The following SCAMP4 variants were observed in gnomAD, a reference collection of about 807,000 sequenced individuals.
The protein encoded by SCAMP4 is secretory carrier membrane protein 4, also known as secretory carrier-associated membrane protein 4.
SCAMP4 carries 19 observed loss-of-function variants against 32.1 expected under a neutral mutation model. The observed-to-expected ratio is 0.59, with a 90% CI of 0.41 to 0.87. SCAMP4 has a LOEUF of 0.87. SCAMP4 is among the 40% of genes least tolerant of loss of function. SCAMP4 has a pLI of 0.00. For synonymous variants in SCAMP4, 152 were observed against 132.7 expected (o/e 1.15, Z -1.00); for missense variants, 302 against 309.0 (o/e 0.98, Z 0.17).
At chr19:1,917,898 G>T (rs961911201) in intron 3 of SCAMP4, 76 bp downstream of exon 3, 19 of 1,584,118 alleles carry the variant, frequency 1.2e-5, no homozygotes, top group Middle Eastern at 2.1e-4. Flanking sequence ...TTCAGGCAGG[G>T]GCAGCCCGTC....
At position 1,905,421 on chromosome 19, in the gene SCAMP4, TCGCG is replaced by T. The variant is rs1279772637; in HGVS notation, c.-58_-55del. 8.6e-6 allele frequency: 4 copies of T among 462,828 alleles called. No individual in the cohort carries two copies. The allele number at this position is 462,828 out of a possible 1,614,324, so 28.7% of individuals were successfully genotyped here. On this transcript the variant is annotated 5_prime_UTR_variant, in exon 1 of 7. Coordinates refer to ENST00000316097, the MANE Select transcript of SCAMP4 (RefSeq NM_079834.4). ...GCTAAGACTTGGCGAAGCGCTGCGCTCGCGCCCGGATCCCTCAGGTAAGCGCGCG... is the reference window on the plus strand; with the variant it reads ...GCTAAGACTTGGCGAAGCGCTGCGCTCCCGGATCCCTCAGGTAAGCGCGCG...
Position 1,924,278 on chromosome 19 carries a change from G to A in SCAMP4, c.684G>A (p.Trp228Ter), listed in dbSNP as rs1259328485. 6.3e-7 allele frequency: 1 copy of A among 1,590,522 alleles called. No individual in the cohort carries two copies. Among genetic ancestry groups the A allele is most frequent in the Non-Finnish European group, 8.5e-7 (1 of 1,169,830 alleles). Residue 228 changes from tryptophan to a stop codon, truncating the protein, a stop_gained, in exon 7 of 7, where the codon TGG becomes TGA. Transcript: ENST00000316097. LOFTEE classifies it high-confidence loss of function. ...CCAGCTACCCGGGCAGTGGCCAGTG[G>A]CCTTAGAGGGAGCCTGCCCTGCCCC... ...TVPSYPGSGQWP is the reference protein window; with the variant it reads ...TVPSYPGSGQ
chr19:1,924,288 G>C lies in SCAMP4; in HGVS notation c.*4G>C. 6.3e-7 allele frequency: 1 copy of C among 1,584,970 alleles called. No homozygotes were observed. The highest frequency in any genetic ancestry group is 8.6e-7 in the Non-Finnish European group (1 of 1,167,358). On this transcript the variant is annotated 3_prime_UTR_variant, in exon 7 of 7. Transcript: ENST00000316097. Reference sequence around the variant, plus strand: ...GGGCAGTGGCCAGTGGCCTTAGAGGGAGCCTGCCCTGCCCCCACCGCCCAC... The same window carrying C: ...GGGCAGTGGCCAGTGGCCTTAGAGGCAGCCTGCCCTGCCCCCACCGCCCAC...
intron 1 of SCAMP4, among the ~76,000 whole-genome samples, chr19:1,911,218 C>G (rs1287921573): frequency 6.6e-6 from 1 of 151,552 alleles, no homozygotes; most frequent in South Asian, 2.1e-4. Flanking sequence ...GTCAGCCAGG[C>G]TGGGGTACAG....
intron 4 of SCAMP4, chr19:1,918,544 C>T: frequency 1.9e-6 from 1 of 522,534 alleles, no homozygotes; most frequent in Non-Finnish European, 3.3e-6. Flanking sequence ...GGCGGATCAC[C>T]TGAGGTCAGG....
At position 1,923,066 on chromosome 19, in the gene SCAMP4, G is replaced by T. The variant is rs765539406; in HGVS notation, c.396-4G>T. On this transcript the variant is annotated splice_region_variant and splice_polypyrimidine_tract_variant and intron_variant, in intron 5 of 6. Transcript: ENST00000316097. The stretch of plus-strand genomic sequence containing the variant: ...GCACCCACGCACTCTCTTGTCCCTT[G>T]CAGCGGCTGGCTGTCGGCAATTGGA... 7.1e-6 allele frequency: 11 copies of T among 1,547,002 alleles called. No homozygotes were observed. In the South Asian group the frequency reaches 1.3e-4, roughly 19 times the overall value.
chr19:1,914,913 G>T, intron 1 of SCAMP4, 66 bp from the exon 2 acceptor site: 1 of 1,344,832 alleles, frequency 7.4e-7, no homozygotes, highest in East Asian at 2.3e-5. Context: ...AGCCACGGTG[G>T]GTGGGTGGTT....
Position 1,923,334 on chromosome 19 carries a change from G to A in SCAMP4, c.513+147G>A, listed in dbSNP as rs150469291. 1.9e-4 allele frequency: 131 copies of A among 700,118 alleles called. No individual in the cohort carries two copies. In the African/African-American group the frequency reaches 2.1e-3, roughly 11 times the overall value. The allele number at this position is 700,118 out of a possible 1,614,324, so 43.4% of individuals were successfully genotyped here. On this transcript the variant is annotated intron_variant, in intron 6 of 6. Transcript: ENST00000316097. ...GCACTTCATCCCCAGCAGTGAGCTG[G>A]GATGACAGCAGGAGGCACTGTCACC...
chr19:1,921,991 AT>A, intron 5 of SCAMP4: 3 of 985,490 alleles, frequency 3.0e-6, no homozygotes, highest in African/African-American at 1.7e-5. Flanking sequence ...CCCCGGACAC[AT>A]CCGGGGGTGT....
intron 1 of SCAMP4, chr19:1,914,654 A>G (rs919164330): frequency 7.2e-6 from 3 of 417,816 alleles, no homozygotes; most frequent in African/African-American, 4.1e-5. Context: ...TGTGGCGCCC[A>G]CCCCTTGTGG....
At chr19:1,919,291 A>T (rs2013842631) in intron 5 of SCAMP4, 1 of 1,226,322 alleles carries the variant, frequency 8.2e-7, no homozygotes, top group Admixed American at 3.6e-5. Context: ...TGTTGATCAC[A>T]CCCCTGACCC....
At chr19:1,912,676 C>G (rs754671925) in intron 1 of SCAMP4, 1 of 1,442,060 alleles carries the variant, frequency 6.9e-7, no homozygotes, top group South Asian at 1.4e-5. Context: ...GGCTTGCGGG[C>G]CGTGGGGGCC....
Position 1,925,829 on chromosome 19 carries a change from C to G in SCAMP4, c.*1545C>G, listed in dbSNP as rs1398469243. 2.0e-5 allele frequency: 3 copies of G among 152,726 alleles called. No individual in the cohort carries two copies. Among genetic ancestry groups the G allele is most frequent in the African/African-American group, 7.2e-5 (3 of 41,426 alleles). 9.5% of individuals were successfully genotyped at this position (152,726 alleles called of 1,614,324 possible). On this transcript the variant is annotated 3_prime_UTR_variant, in exon 7 of 7. Coordinates refer to ENST00000316097, the MANE Select transcript of SCAMP4 (RefSeq NM_079834.4). ...GCTTCAGGGTCTTCAGGTCCTGCCC[C>G]CGGCCAGTCTGCCAAGAGGCACCCC... is the stretch of plus-strand genomic sequence containing the variant.
chr19:1,910,030 C>G (rs1003453938), intron 1 of SCAMP4, among the ~76,000 whole-genome samples: 5 of 152,208 alleles, frequency 3.3e-5, no homozygotes, highest in Admixed American at 1.3e-4. Flanking sequence ...TGGGAGGGGG[C>G]CCCGTGTCCC....
chr19:1,908,228 C>T lies in SCAMP4; in HGVS notation c.-42+2789C>T, dbSNP rs1054011280. 2 of 282,938 alleles carry T rather than the reference C, an allele frequency of 7.1e-6. No individual in the cohort carries two copies. Among genetic ancestry groups the T allele is most frequent in the Admixed American group, 5.0e-5 (1 of 20,164 alleles). The allele number at this position is 282,938 out of a possible 1,614,324, so 17.5% of individuals were successfully genotyped here. ...ACGGGGCCTCGGGCAGCGGCAGCAC[C>T]TGGCGCTGCCTCCGCGCTTCCTGCT... On this transcript the variant is annotated intron_variant, in intron 1 of 6. Coordinates refer to ENST00000316097, the MANE Select transcript of SCAMP4 (RefSeq NM_079834.4). This position sits in a 1 kb window ranked among gnomAD's most constrained non-coding sequence, Gnocchi z 4.2.
chr19:1,920,133 G>C, intron 5 of SCAMP4: 1 of 985,418 alleles, frequency 1.0e-6, no homozygotes, highest in Non-Finnish European at 1.2e-6. Context: ...TTTTAAATAG[G>C]CTTTTTATTT....
chr19:1,922,008 C>T (rs1599256689), intron 5 of SCAMP4: 2 of 985,464 alleles, frequency 2.0e-6, no homozygotes, highest in African/African-American at 1.7e-5. Context: ...GGTGTGGGTC[C>T]TGCGGGCTGC....
intron 1 of SCAMP4, among the ~76,000 whole-genome samples, chr19:1,914,083 G>A (rs527688098): frequency 1.3e-5 from 2 of 152,316 alleles, no homozygotes; most frequent in Admixed American, 6.5e-5. Context: ...GAGTGAGGAG[G>A]TGGGAGCCGC....
intron 4 of SCAMP4, 86 bp from the exon 5 acceptor site, chr19:1,918,803 C>T (rs2013822113): frequency 1.3e-6 from 2 of 1,531,976 alleles, no homozygotes; most frequent in African/African-American, 1.4e-5. Flanking sequence ...TCCGCTCTCA[C>T]CATCTCTGAC....
Sources: gnomAD v4.1 joint callset for allele counts (sites outside exome capture counted in the v4.1 genomes callset) on GRCh38, gnomAD v4.1.1 for gene constraint, Gnocchi (gnomAD v3.1) non-coding constraint, MANE v1.5 for transcripts, NCBI Gene and HGNC (gene_info 2026-07-23, HGNC 2026-07-21) for gene names.